TMEM161B: variants seen among roughly 807,000 people sequenced by gnomAD.
The protein encoded by TMEM161B is transmembrane protein 161B.
TMEM161B carries 34 observed loss-of-function variants against 61.8 expected under a neutral mutation model. The ratio of observed to expected loss-of-function variants is 0.55; its 90% CI spans 0.42 to 0.73. The LOEUF (loss-of-function observed/expected upper bound fraction) is 0.73. Ranked by LOEUF, TMEM161B falls within the 30% of genes least tolerant of loss-of-function variation. TMEM161B has a pLI of 0.00. For missense variants in TMEM161B, 456 were observed against 558.5 expected, an observed-to-expected ratio of 0.82 and a Z score of 1.85; for synonymous variants, 167 against 192.8, an observed-to-expected ratio of 0.87 and a Z score of 1.11.
chr5:88,185,630 T>A (rs1748323552), downstream of TMEM161B, among the ~76,000 whole-genome samples: 1 of 152,206 alleles, frequency 6.6e-6, no homozygotes, highest in African/African-American at 2.4e-5. Context: ...AGCATAAACG[T>A]ATTTTTAAAG....
intron 1 of TMEM161B, among the ~76,000 whole-genome samples, chr5:88,244,363 T>C (rs754189131): frequency 6.6e-6 from 1 of 151,940 alleles, no homozygotes; most frequent in Non-Finnish European, 1.5e-5. Context: ...GGCTTGCCAG[T>C]TATCCCAGTA....
intron 1 of TMEM161B, among the ~76,000 whole-genome samples, chr5:88,247,020 T>C (rs1753707844): frequency 6.6e-6 from 1 of 151,922 alleles, no homozygotes; most frequent in South Asian, 2.1e-4. Context: ...AAAAAATAGC[T>C]CATAAGCACC....
chr5:88,207,436 A>G (rs1269493801), intron 5 of TMEM161B, among the ~76,000 whole-genome samples: 1 of 152,216 alleles, frequency 6.6e-6, no homozygotes, highest in Admixed American at 6.5e-5. Context: ...AGTGACATGA[A>G]AAGCCAGGGT....
At chr5:88,228,057 G>A (rs1370485694) in intron 3 of TMEM161B, among the ~76,000 whole-genome samples, 1 of 152,084 alleles carries the variant, frequency 6.6e-6, no homozygotes, top group Non-Finnish European at 1.5e-5. Flanking sequence ...TGAGGAAACT[G>A]AGGCCAAGAG....
At chr5:88,203,301 A>G (rs1367336356) in intron 8 of TMEM161B, among the ~76,000 whole-genome samples, 2 of 152,136 alleles carry the variant, frequency 1.3e-5, no homozygotes, top group Non-Finnish European at 2.9e-5. Flanking sequence ...GAACATTTAG[A>G]TACAGAAAAG....
intron 1 of TMEM161B, among the ~76,000 whole-genome samples, chr5:88,264,206 T>C (rs574660898): frequency 6.6e-6 from 1 of 150,784 alleles, no homozygotes. Flanking sequence ...AATTCTAATA[T>C]CCAGAATCTA....
chr5:88,250,778 A>T lies in TMEM161B; in HGVS notation c.4-9862T>A, dbSNP rs183586126. 2.6e-5 allele frequency: 4 copies of T among 152,312 alleles called. No homozygotes were observed. In the East Asian group the frequency reaches 5.8e-4, roughly 22 times the overall value. The allele number at this position is 152,312 out of a possible 1,614,324, so 9.4% of individuals were successfully genotyped here. On this transcript the variant is annotated intron_variant, in intron 1 of 11. Transcript: ENST00000296595. ...TGGCCCTCAGTTCGAGACAAATAAG[A>T]AACGCCCGAGCTCACTCCCAGTTCC...
At chr5:88,230,700 C>T (rs1022659655) in intron 2 of TMEM161B, among the ~76,000 whole-genome samples, 1 of 152,168 alleles carries the variant, frequency 6.6e-6, no homozygotes, top group Non-Finnish European at 1.5e-5. Flanking sequence ...ACTTGGCAAA[C>T]TCTTATCTCC....
intron 2 of TMEM161B, among the ~76,000 whole-genome samples, chr5:88,230,288 GATA>G (rs1750772054): frequency 6.6e-6 from 1 of 152,154 alleles, no homozygotes. Flanking sequence ...TTTTAGGTAT[GATA>G]ATGAGATTGT....
chr5:88,217,158 G>A (rs955401307), intron 5 of TMEM161B, among the ~76,000 whole-genome samples: 5 of 152,170 alleles, frequency 3.3e-5, no homozygotes, highest in Non-Finnish European at 7.3e-5. Context: ...TCGGAGGGCT[G>A]GGGTGGGAGA....
At chr5:88,239,321 A>C (rs1434837386) in intron 2 of TMEM161B, among the ~76,000 whole-genome samples, 1 of 152,020 alleles carries the variant, frequency 6.6e-6, no homozygotes, top group African/African-American at 2.4e-5. Flanking sequence ...ACATTACATC[A>C]TAAACATAGT....
At chr5:88,244,249 G>C (rs2112678392) in intron 1 of TMEM161B, among the ~76,000 whole-genome samples, 1 of 151,974 alleles carries the variant, frequency 6.6e-6, no homozygotes, top group Middle Eastern at 3.4e-3. Context: ...TTATCTTCCA[G>C]GGTTTTTATT....
At chr5:88,257,901 T>A (rs1450273220) in intron 1 of TMEM161B, among the ~76,000 whole-genome samples, 1 of 152,160 alleles carries the variant, frequency 6.6e-6, no homozygotes, top group East Asian at 1.9e-4. Flanking sequence ...TGCCAACAGT[T>A]CCATAGTTTT....
chr5:88,222,250 G>T (rs1580491959), intron 4 of TMEM161B, among the ~76,000 whole-genome samples: 1 of 151,942 alleles, frequency 6.6e-6, no homozygotes, highest in Non-Finnish European at 1.5e-5. Context: ...TTAATTTTTT[G>T]TACAGACGTG....
chr5:88,205,441 T>C (rs1275856222), intron 8 of TMEM161B, among the ~76,000 whole-genome samples: 1 of 152,032 alleles, frequency 6.6e-6, no homozygotes, highest in Admixed American at 6.5e-5. Flanking sequence ...TTTAAATAGA[T>C]ATATATGAAA....
At chr5:88,244,584 C>CTTTTTTTTT (rs369319062) in intron 1 of TMEM161B, among the ~76,000 whole-genome samples, 1 of 116,008 alleles carries the variant, frequency 8.6e-6, no homozygotes, top group African/African-American at 3.2e-5. Context: ...TCCAGCTTTG[C>CTTTTTTTTT]TTTTTTTTTT....
At chr5:88,231,422 A>G (rs555232075) in intron 2 of TMEM161B, among the ~76,000 whole-genome samples, 1 of 152,294 alleles carries the variant, frequency 6.6e-6, no homozygotes, top group East Asian at 1.9e-4. Context: ...ATACAAGTGC[A>G]GTATACTCAG....
downstream of TMEM161B, among the ~76,000 whole-genome samples, chr5:88,188,696 G>A (rs1376060956): frequency 6.6e-6 from 1 of 152,156 alleles, no homozygotes; most frequent in African/African-American, 2.4e-5. Flanking sequence ...CCAGCTGGGA[G>A]CGTCAGCAGA....
chr5:88,239,236 C>A (rs1752355162), intron 2 of TMEM161B, among the ~76,000 whole-genome samples: 1 of 151,838 alleles, frequency 6.6e-6, no homozygotes, highest in Admixed American at 6.6e-5. Flanking sequence ...GAATATGTAA[C>A]AAGATGAAAA....
Sources: allele counts gnomAD v4.1 joint callset (sites outside exome capture counted in the v4.1 genomes callset), GRCh38; gene constraint gnomAD v4.1.1; transcripts MANE v1.5; gene names NCBI Gene and HGNC (gene_info 2026-07-23, HGNC 2026-07-21).